Variants in NUP93 observed in about 807,000 individuals in gnomAD.
The protein encoded by NUP93 is nucleoporin 93, also known as nuclear pore complex protein Nup93.
In NUP93, 55 loss-of-function variants were observed where a neutral mutation model predicts 107.8. The ratio of observed to expected loss-of-function variants is 0.51; its 90% CI spans 0.41 to 0.64. NUP93 has a LOEUF of 0.64. Among genes scored for constraint, NUP93 ranks in the 30% least tolerant of loss-of-function variants. The pLI, the probability that NUP93 is intolerant of heterozygous loss-of-function variation, is 0.00. For synonymous variants in NUP93, 390 were observed against 397.5 expected, an observed-to-expected ratio of 0.98 and a Z score of 0.22; for missense variants, 937 against 1,044.7, an observed-to-expected ratio of 0.90 and a Z score of 1.42.
intron 6 of NUP93, among the ~76,000 whole-genome samples, chr16:56,819,322 T>C: frequency 6.6e-6 from 1 of 152,226 alleles, no homozygotes; most frequent in East Asian, 1.9e-4. Context: ...GGACCATACA[T>C]AGCTGGAATT....
At chr16:56,822,018 C>T (rs1963553893) in intron 7 of NUP93, among the ~76,000 whole-genome samples, 1 of 149,694 alleles carries the variant, frequency 6.7e-6, no homozygotes, top group African/African-American at 2.5e-5. Context: ...TGGTTCTGTT[C>T]CTCTGACACA....
In NUP93 at chr16:56,738,546, T is replaced by A. The variant is rs565693683; in HGVS notation, c.-15+8335T>A. On this transcript the variant is annotated intron_variant, in intron 1 of 21. Coordinates refer to ENST00000308159, the MANE Select transcript of NUP93 (RefSeq NM_014669.5). ...TTTCTCCAGAACTCTACCTTTTGAA[T>A]AATGATAAGGTCTCTTTTACTTAGT... 3.9e-5 allele frequency among the ~76,000 whole-genome samples: 6 copies of A among 152,336 alleles called. No individual in the cohort carries two copies. In the South Asian group the frequency reaches 1.2e-3, roughly 32 times the overall value.
chr16:56,761,797 T>C (rs1221220306), intron 3 of NUP93, among the ~76,000 whole-genome samples: 1 of 152,238 alleles, frequency 6.6e-6, no homozygotes, highest in Non-Finnish European at 1.5e-5. Context: ...TGATTATATT[T>C]CCTTCTGCTT....
At chr16:56,740,130 C>T (rs1413934272) in intron 1 of NUP93, among the ~76,000 whole-genome samples, 5 of 146,164 alleles carry the variant, frequency 3.4e-5, no homozygotes, top group South Asian at 2.3e-4. Flanking sequence ...GGGGCTGACC[C>T]CCCCACCTCC....
At chr16:56,768,661 T>C (rs2144499066) in intron 3 of NUP93, among the ~76,000 whole-genome samples, 1 of 150,514 alleles carries the variant, frequency 6.6e-6, no homozygotes, top group African/African-American at 2.5e-5. Flanking sequence ...GGTCAGGAGA[T>C]CGAGACCATC....
chr16:56,734,021 G>A (rs746325806), intron 1 of NUP93, among the ~76,000 whole-genome samples: 1 of 152,156 alleles, frequency 6.6e-6, no homozygotes, highest in Non-Finnish European at 1.5e-5. Flanking sequence ...TGAGCATTAG[G>A]TGCTGTTGTT....
chr16:56,788,082 G>T (rs561460910), intron 3 of NUP93, among the ~76,000 whole-genome samples: 1 of 152,080 alleles, frequency 6.6e-6, no homozygotes, highest in Non-Finnish European at 1.5e-5. Flanking sequence ...GAGTGATTGC[G>T]GGAAGGGGAT....
At chr16:56,835,787 G>C (rs1224407096) in intron 16 of NUP93, among the ~76,000 whole-genome samples, 1 of 152,126 alleles carries the variant, frequency 6.6e-6, no homozygotes, top group African/African-American at 2.4e-5. Context: ...ATGCTCTCCT[G>C]ACCATTTAGT....
chr16:56,801,298 C>G (rs79439753), intron 4 of NUP93, among the ~76,000 whole-genome samples: 2 of 152,294 alleles, frequency 1.3e-5, no homozygotes, highest in East Asian at 3.9e-4. Context: ...TGGAATGGGA[C>G]AGATGGGTGG....
rs1474038706 is a variant in NUP93 at position 56,844,523 on chromosome 16, C to T, written c.2374C>T (p.Leu792=). The stretch of plus-strand genomic sequence containing the variant: ...GCAACTCCGAAGTCAAGCCCGCACT[C>T]TGATTACCTTTGCTGGAATGATACC... The part of the protein sequence containing the change: ...DSQLRSQART[L]ITFAGMIPYR... The change falls in exon 22 of 22, where the codon CTG becomes TTG. Residue 792 remains leucine, a synonymous_variant. Coordinates refer to ENST00000308159, the MANE Select transcript of NUP93 (RefSeq NM_014669.5). 3 of 1,525,344 alleles carry T rather than the reference C, an allele frequency of 2.0e-6. No homozygotes were observed. In the African/African-American group the frequency reaches 4.2e-5, roughly 22 times the overall value. The allele number at this position is 1,525,344 out of a possible 1,614,324, so 94.5% of individuals were successfully genotyped here.
intron 4 of NUP93, among the ~76,000 whole-genome samples, chr16:56,805,193 G>C (rs1163571384): frequency 1.3e-5 from 2 of 152,038 alleles, no homozygotes; most frequent in African/African-American, 4.8e-5. Flanking sequence ...AAGTAGCTGG[G>C]ACTACAGGTG....
chr16:56,771,512 A>C (rs1168350583), intron 3 of NUP93, among the ~76,000 whole-genome samples: 6 of 152,142 alleles, frequency 3.9e-5, no homozygotes, highest in African/African-American at 1.4e-4. Context: ...CGAATTTCTT[A>C]ATGTTTTGTC....
intron 4 of NUP93, among the ~76,000 whole-genome samples, chr16:56,805,207 A>G (rs1181950644): frequency 6.6e-6 from 1 of 152,060 alleles, no homozygotes; most frequent in African/African-American, 2.4e-5. Flanking sequence ...ACAGGTGTAC[A>G]CCACCGTGCC....
At chr16:56,837,479 C>T (rs894748958) in intron 17 of NUP93, 129 bp from the exon 18 acceptor site, 4 of 681,238 alleles carry the variant, frequency 5.9e-6, no homozygotes, top group Non-Finnish European at 1.0e-5. Context: ...ACGAGAATTG[C>T]TTGAACTTGG....
intron 1 of NUP93, among the ~76,000 whole-genome samples, chr16:56,737,355 C>G (rs1413653491): frequency 6.6e-6 from 1 of 152,144 alleles, no homozygotes; most frequent in Non-Finnish European, 1.5e-5. Context: ...CTTATCCCAT[C>G]CTGAAGACCC....
At chr16:56,814,855 T>G (rs1355277231) in intron 5 of NUP93, among the ~76,000 whole-genome samples, 4 of 152,206 alleles carry the variant, frequency 2.6e-5, no homozygotes, top group African/African-American at 9.6e-5. Context: ...CAAGCCCCAG[T>G]GCAGAGAACC....
At chr16:56,745,978 T>G (rs1256329776) in intron 1 of NUP93, among the ~76,000 whole-genome samples, 1 of 152,212 alleles carries the variant, frequency 6.6e-6, no homozygotes, top group Non-Finnish European at 1.5e-5. Flanking sequence ...AATGAAATAT[T>G]AGTTGTATTT....
chr16:56,738,213 T>TCA (rs1961643379), intron 1 of NUP93, among the ~76,000 whole-genome samples: 2 of 152,162 alleles, frequency 1.3e-5, no homozygotes, highest in Admixed American at 1.3e-4. Flanking sequence ...AGCCCCAGGG[T>TCA]CAGAGGGCTG....
At chr16:56,743,576 CTTTG>C (rs1386996034) in intron 1 of NUP93, among the ~76,000 whole-genome samples, 1 of 151,920 alleles carries the variant, frequency 6.6e-6, no homozygotes, top group Non-Finnish European at 1.5e-5. Flanking sequence ...GGTCATTGTC[CTTTG>C]TTTGATTGGC....
Sources: gnomAD v4.1 joint callset for allele counts (sites outside exome capture counted in the v4.1 genomes callset) on GRCh38, gnomAD v4.1.1 for gene constraint, MANE v1.5 for transcripts, NCBI Gene and HGNC (gene_info 2026-07-23, HGNC 2026-07-21) for gene names.